Variants in LMLN observed in about 807,000 individuals in gnomAD.
The protein encoded by LMLN is leishmanolysin like peptidase.
Under a neutral mutation model 92.3 loss-of-function variants are expected in LMLN, and 70 were observed. That is an observed-to-expected ratio of 0.76 (90% CI 0.63 to 0.92). The LOEUF is 0.92. LMLN is among the 40% of genes least tolerant of loss of function. The pLI is 0.00. For synonymous variants in LMLN, 308 were observed against 296.2 expected, an observed-to-expected ratio of 1.04 and a Z score of -0.41; for missense variants, 691 against 814.6, an observed-to-expected ratio of 0.85 and a Z score of 1.85.
intron 10 of LMLN, among the ~76,000 whole-genome samples, chr3:197,998,418 G>T (rs1391087189): frequency 2.0e-5 from 3 of 151,142 alleles, no homozygotes; most frequent in Non-Finnish European, 4.4e-5. Flanking sequence ...GGGAAGTGTG[G>T]TTTTTTTTTC....
At chr3:197,997,527 A>G (rs1229797482) in intron 10 of LMLN, among the ~76,000 whole-genome samples, 1 of 152,224 alleles carries the variant, frequency 6.6e-6, no homozygotes, top group Non-Finnish European at 1.5e-5. Flanking sequence ...ACAGGGGTAA[A>G]GTGTACATAG....
chr3:197,969,483 T>C (rs1458429040), intron 1 of LMLN, among the ~76,000 whole-genome samples: 1 of 152,176 alleles, frequency 6.6e-6, no homozygotes, highest in African/African-American at 2.4e-5. Flanking sequence ...TAGAAGTTTG[T>C]TGTTTGATTT....
exon 1 of LMLN, chr3:197,960,373 C>T: frequency 6.2e-7 from 1 of 1,613,988 alleles, no homozygotes; most frequent in African/African-American, 1.3e-5. Flanking sequence ...CGGGCCAGCG[C>T]CACATCTACT....
chr3:197,976,435 G>C, intron 4 of LMLN, 163 bp from the exon 5 acceptor site: 1 of 535,656 alleles, frequency 1.9e-6, no homozygotes, highest in South Asian at 3.2e-5. Context: ...AAATCAAGAG[G>C]ATTTCCTATA....
chr3:197,996,202 C>T (rs779014596), exon 10 of LMLN: 4 of 1,583,242 alleles, frequency 2.5e-6, no homozygotes, highest in East Asian at 2.4e-5. Flanking sequence ...TTTTGATTGT[C>T]CAGTTCTAGA....
At chr3:198,027,881 G>A (rs1302664345) in intron 14 of LMLN, among the ~76,000 whole-genome samples, 1 of 152,082 alleles carries the variant, frequency 6.6e-6, no homozygotes, top group East Asian at 1.9e-4. Flanking sequence ...TAGAATTGCT[G>A]TATCATATGG....
At chr3:197,993,192 A>G (rs1230053242) in intron 9 of LMLN, among the ~76,000 whole-genome samples, 1 of 152,212 alleles carries the variant, frequency 6.6e-6, no homozygotes. Context: ...ATTAGTGAAA[A>G]ATGGAAAGCC....
Position 198,025,593 on chromosome 3 carries a change from C to A in LMLN, c.1656+805C>A, listed in dbSNP as rs984170942. Among the ~76,000 whole-genome samples the A allele has an allele frequency of 6.6e-6, 1 of 152,172 alleles. No individual in the cohort carries two copies. Among genetic ancestry groups the A allele is most frequent in the African/African-American group, 2.4e-5 (1 of 41,440 alleles). ...CTATGTTGCCCAGGCTAGATTAGAA[C>A]TTCGGGGCCCAAGCAATCCTCTTGC... On this transcript the variant is annotated intron_variant, in intron 14 of 15. Transcript: ENST00000330198. The surrounding 1 kb of genome is among the most constrained non-coding windows in gnomAD (Gnocchi z 4.3).
At chr3:197,969,843 T>C (rs1721174370) in intron 1 of LMLN, among the ~76,000 whole-genome samples, 1 of 152,206 alleles carries the variant, frequency 6.6e-6, no homozygotes, top group African/African-American at 2.4e-5. Context: ...CTTCTTTATA[T>C]ATTTTAAACC....
At chr3:197,972,756 T>G (rs138484060) in intron 1 of LMLN, among the ~76,000 whole-genome samples, 1 of 152,216 alleles carries the variant, frequency 6.6e-6, no homozygotes, top group African/African-American at 2.4e-5. Flanking sequence ...AATTCCAAAC[T>G]CTTATCTCCT....
chr3:197,966,265 C>T (rs1721057829), intron 1 of LMLN, among the ~76,000 whole-genome samples: 1 of 152,190 alleles, frequency 6.6e-6, no homozygotes, highest in Non-Finnish European at 1.5e-5. Context: ...TAGTCTCAAA[C>T]TCCTGACCTC....
chr3:198,001,311 T>G (rs1164736811), intron 11 of LMLN, among the ~76,000 whole-genome samples: 1 of 152,194 alleles, frequency 6.6e-6, no homozygotes, highest in Admixed American at 6.6e-5. Context: ...CGACAAATGC[T>G]TAGGAACTGT....
intron 11 of LMLN, among the ~76,000 whole-genome samples, chr3:198,011,946 G>T (rs1485891801): frequency 1.3e-5 from 2 of 152,150 alleles, no homozygotes; most frequent in African/African-American, 4.8e-5. Flanking sequence ...GCAACCTACA[G>T]AATGGGAGAA....
At chr3:197,980,790 C>T in intron 6 of LMLN, 1 of 272,062 alleles carries the variant, frequency 3.7e-6, no homozygotes, top group East Asian at 8.0e-5. Context: ...ATCGTTTTTG[C>T]CTAAATTCCA....
intron 14 of LMLN, among the ~76,000 whole-genome samples, chr3:198,026,368 G>T (rs777263908): frequency 4.6e-5 from 7 of 151,942 alleles, no homozygotes; most frequent in Non-Finnish European, 8.8e-5. Context: ...ACCCAGGCTG[G>T]AGTGCAGTGG....
intron 3 of LMLN, 31 bp from the exon 4 acceptor site, chr3:197,975,996 TTC>T (rs748458782): frequency 1.3e-5 from 17 of 1,266,978 alleles, no homozygotes; most frequent in African/African-American, 3.0e-5. Context: ...TTCCTTATAA[TTC>T]TGTTTCTTTT....
At chr3:197,984,118 C>A in intron 7 of LMLN, 70 bp downstream of exon 7, 1 of 948,778 alleles carries the variant, frequency 1.1e-6, no homozygotes, top group Non-Finnish European at 1.7e-6. Context: ...CATTTTTATA[C>A]ATATATTCCA....
At chr3:197,972,154 T>C (rs1721246842) in intron 1 of LMLN, among the ~76,000 whole-genome samples, 1 of 151,790 alleles carries the variant, frequency 6.6e-6, no homozygotes, top group African/African-American at 2.4e-5. Context: ...AACCACCGTC[T>C]CCCGAGTTCA....
At chr3:197,974,861 G>A (rs554753458) in intron 2 of LMLN, among the ~76,000 whole-genome samples, 181 bp from the exon 3 acceptor site, 2 of 152,330 alleles carry the variant, frequency 1.3e-5, no homozygotes, top group East Asian at 1.9e-4. Flanking sequence ...AGAATTAGAA[G>A]CAAATCCATA....
Sources: allele counts gnomAD v4.1 joint callset (sites outside exome capture counted in the v4.1 genomes callset), GRCh38; gene constraint gnomAD v4.1.1; non-coding constraint Gnocchi (gnomAD v3.1); transcripts MANE v1.5; gene names NCBI Gene and HGNC (gene_info 2026-07-23, HGNC 2026-07-21).